CPNE5: variants seen among roughly 807,000 people sequenced by gnomAD.
The protein encoded by CPNE5 is copine-5.
Under a neutral mutation model 81.1 loss-of-function variants are expected in CPNE5, and 42 were observed. The ratio of observed to expected loss-of-function variants is 0.52; its 90% confidence interval spans 0.40 to 0.67. CPNE5 has a LOEUF of 0.67. Among genes scored for constraint, CPNE5 ranks in the 30% least tolerant of loss-of-function variants. The pLI is 0.00. For synonymous variants in CPNE5, 313 were observed against 321.5 expected, an observed-to-expected ratio of 0.97 and a Z score of 0.28; for missense variants, 612 against 815.5, an observed-to-expected ratio of 0.75 and a Z score of 3.04.
At chr6:36,785,893 A>G (rs551601780) in intron 8 of CPNE5, among the ~76,000 whole-genome samples, 38 of 151,718 alleles carry the variant, frequency 2.5e-4, no homozygotes, top group Non-Finnish European at 1.5e-5. Context: ...CATGCCTATA[A>G]TCCCAGATAC....
intron 8 of CPNE5, among the ~76,000 whole-genome samples, 189 bp downstream of exon 8, chr6:36,791,844 G>A (rs1304563189): frequency 6.6e-6 from 1 of 152,088 alleles, no homozygotes; most frequent in Non-Finnish European, 1.5e-5. Flanking sequence ...TCCTCTCCGG[G>A]CCTCAGTCTG....
At chr6:36,797,312 C>T (rs1260738666) in intron 6 of CPNE5, among the ~76,000 whole-genome samples, 6 of 152,280 alleles carry the variant, frequency 3.9e-5, no homozygotes, top group Admixed American at 3.3e-4. Context: ...GCCTGGATGC[C>T]TGTCCCAGTC....
At chr6:36,827,074 A>G (rs531675564) in intron 1 of CPNE5, among the ~76,000 whole-genome samples, 2 of 151,812 alleles carry the variant, frequency 1.3e-5, no homozygotes, top group African/African-American at 2.4e-5. Context: ...AGCAATCTCC[A>G]CCCTCACAGG....
chr6:36,792,730 C>T (rs1237483046), intron 7 of CPNE5, among the ~76,000 whole-genome samples: 1 of 152,210 alleles, frequency 6.6e-6, no homozygotes, highest in Non-Finnish European at 1.5e-5. Context: ...CGGTCCACCC[C>T]AGCACATCCC....
chr6:36,789,679 G>A (rs1768914160), intron 8 of CPNE5, among the ~76,000 whole-genome samples: 1 of 152,170 alleles, frequency 6.6e-6, no homozygotes, highest in Admixed American at 6.5e-5. Flanking sequence ...TCTCTCCCTT[G>A]TCTGAACTCC....
chr6:36,827,594 C>A (rs1236314227), intron 1 of CPNE5: 2 of 985,288 alleles, frequency 2.0e-6, no homozygotes, highest in South Asian at 9.4e-5. Context: ...AAGGCACAGA[C>A]CACAACACAC....
intron 10 of CPNE5, among the ~76,000 whole-genome samples, chr6:36,770,988 G>A (rs768002974): frequency 3.3e-5 from 5 of 151,900 alleles, no homozygotes; most frequent in Admixed American, 6.6e-5. Context: ...GCCCTCAAAC[G>A]CTGAACCATT....
At chr6:36,838,861 G>C (rs1050238109) in intron 1 of CPNE5, 1 of 452,910 alleles carries the variant, frequency 2.2e-6, no homozygotes, top group South Asian at 9.4e-5. Flanking sequence ...AGAGAAGAGA[G>C]GAGGGCACAG....
Position 36,815,460 on chromosome 6 carries a change from C to G in CPNE5, c.183+6654G>C, listed in dbSNP as rs376820319. 2.6e-5 allele frequency among the ~76,000 whole-genome samples: 4 copies of G among 152,280 alleles called. No homozygotes were observed. The East Asian group carries it at 5.8e-4, about 22-fold the overall frequency. On this transcript the variant is annotated intron_variant, in intron 3 of 20. Coordinates refer to ENST00000244751, the MANE Select transcript of CPNE5 (RefSeq NM_020939.2). ...GTGATTAGGTCAGGAGGGCAGAGCC[C>G]TCATGAATGGGCTTAGAGTGTGTTC...
chr6:36,754,655 T>A (rs943623089), intron 13 of CPNE5: 1 of 152,278 alleles, frequency 6.6e-6, no homozygotes, highest in Non-Finnish European at 1.5e-5. Context: ...GACCTGGGCC[T>A]AGGCCCGCTC....
chr6:36,803,869 G>A (rs1349924292), intron 3 of CPNE5, among the ~76,000 whole-genome samples: 1 of 152,184 alleles, frequency 6.6e-6, no homozygotes, highest in Admixed American at 6.5e-5. Flanking sequence ...AAATCTCAGT[G>A]GGTGGGGCCT....
chr6:36,800,052 T>C lies in CPNE5; in HGVS notation c.202A>G (p.Ile68Val). The C allele has an allele frequency of 6.2e-7, 1 of 1,613,366 alleles. No individual in the cohort carries two copies. Among genetic ancestry groups the C allele is most frequent in the Non-Finnish European group, 8.5e-7 (1 of 1,179,852 alleles). The part of the protein sequence containing the change: ...QWREFGRTEV[I>V]DNTLNPDFVR... Reference sequence around the variant, plus strand: ...AAGTCAGGATTGAGCGTGTTGTCGATGACTTCGGTGCGCCCAAACTGCAAG... The same window carrying C: ...AAGTCAGGATTGAGCGTGTTGTCGACGACTTCGGTGCGCCCAAACTGCAAG... Residue 68 changes from isoleucine (I) to valine (V), a missense_variant, in exon 4 of 21, where the codon ATC (isoleucine) becomes GTC (valine). Physicochemically the swap from Ile to Val is conservative, Grantham distance 29. Coordinates refer to ENST00000244751, the MANE Select transcript of CPNE5 (RefSeq NM_020939.2).
At chr6:36,799,862 T>C in intron 4 of CPNE5, 105 bp downstream of exon 4, 2 of 795,648 alleles carry the variant, frequency 2.5e-6, no homozygotes, top group East Asian at 2.6e-5. Flanking sequence ...AACCCTGGGC[T>C]CCCACTAATT....
intron 8 of CPNE5, among the ~76,000 whole-genome samples, chr6:36,782,598 G>GT (rs1300205614): frequency 6.6e-6 from 1 of 152,028 alleles, no homozygotes; most frequent in African/African-American, 2.4e-5. Context: ...GAGCTCAGGA[G>GT]TTTGAGACCA....
intron 1 of CPNE5, among the ~76,000 whole-genome samples, chr6:36,823,641 T>A (rs1390234969): frequency 2.6e-5 from 4 of 152,170 alleles, no homozygotes; most frequent in Non-Finnish European, 4.4e-5. Context: ...AGACCAGGGC[T>A]AACACATGGC....
chr6:36,813,119 C>T (rs562675940), intron 3 of CPNE5, among the ~76,000 whole-genome samples: 1 of 152,336 alleles, frequency 6.6e-6, no homozygotes, highest in East Asian at 1.9e-4. Flanking sequence ...TCCAAAACCT[C>T]CACAAGACTG....
At chr6:36,826,005 T>C (rs977317948) in intron 1 of CPNE5, among the ~76,000 whole-genome samples, 1 of 152,284 alleles carries the variant, frequency 6.6e-6, no homozygotes, top group Admixed American at 6.5e-5. Flanking sequence ...ATCAGGACTG[T>C]GAGACTCGGA....
intron 10 of CPNE5, among the ~76,000 whole-genome samples, chr6:36,768,237 T>TTTTTC (rs1766753021): frequency 9.0e-6 from 1 of 110,694 alleles, no homozygotes; most frequent in Non-Finnish European, 1.9e-5. Flanking sequence ...TTTTTTTTTT[T>TTTTTC]TTTTTTTTTT....
intron 3 of CPNE5, among the ~76,000 whole-genome samples, chr6:36,800,601 T>G (rs1041030430): frequency 6.6e-6 from 1 of 152,194 alleles, no homozygotes; most frequent in Non-Finnish European, 1.5e-5. Context: ...TCCTAAAAGA[T>G]CCCCACCTTT....
Sources: gnomAD v4.1 joint callset for allele counts (sites outside exome capture counted in the v4.1 genomes callset) on GRCh38, gnomAD v4.1.1 for gene constraint, MANE v1.5 for transcripts, NCBI Gene and HGNC (gene_info 2026-07-23, HGNC 2026-07-21) for gene names.